FRMD6: variants seen among roughly 807,000 people sequenced by gnomAD.
FRMD6 encodes FERM domain-containing protein 6.
FRMD6 carries 37 observed loss-of-function variants against 73.2 expected under a neutral mutation model. The observed-to-expected ratio is 0.51, with a 90% CI of 0.39 to 0.66. The LOEUF (loss-of-function observed/expected upper bound fraction) is 0.66. FRMD6 is among the 30% of genes least tolerant of loss of function. FRMD6 has a pLI of 0.00. For synonymous variants in FRMD6, 273 were observed against 282.2 expected (o/e 0.97, Z 0.33); for missense variants, 714 against 780.5 (o/e 0.91, Z 1.02).
intron 9 of FRMD6, among the ~76,000 whole-genome samples, chr14:51,713,372 C>T (rs1897055014): frequency 6.6e-6 from 1 of 151,002 alleles, no homozygotes; most frequent in South Asian, 2.1e-4. Flanking sequence ...GCATGGGAAT[C>T]TCTTGAACCC....
the FRMD6 span, among the ~76,000 whole-genome samples, chr14:51,435,177 A>C: frequency 6.6e-6 from 1 of 152,232 alleles, no homozygotes; most frequent in Non-Finnish European, 1.5e-5. Context: ...CCTGGTTTTG[A>C]TCATCTTACT....
intron 1 of FRMD6, among the ~76,000 whole-genome samples, chr14:51,528,678 A>T (rs1885400209): frequency 6.6e-6 from 1 of 152,134 alleles, no homozygotes; most frequent in African/African-American, 2.4e-5. Context: ...AAAGTTTGAA[A>T]ATCACTGGTC....
At chr14:51,419,128 C>G in the FRMD6 span, among the ~76,000 whole-genome samples, 1 of 152,194 alleles carries the variant, frequency 6.6e-6, no homozygotes, top group African/African-American at 2.4e-5. Context: ...CAACTCCTTA[C>G]GCTTCCTGTG....
the FRMD6 span, among the ~76,000 whole-genome samples, chr14:51,446,971 G>A: frequency 1.3e-5 from 2 of 152,198 alleles, no homozygotes; most frequent in African/African-American, 4.8e-5. Context: ...GGTCACAGAT[G>A]TTGTACAGGA....
intron 2 of FRMD6, among the ~76,000 whole-genome samples, chr14:51,582,303 C>A (rs2139666649): frequency 6.6e-6 from 1 of 152,246 alleles, no homozygotes; most frequent in East Asian, 1.9e-4. Context: ...AGAGCAATGA[C>A]CTTGTCCGTC....
intron 10 of FRMD6, among the ~76,000 whole-genome samples, chr14:51,719,394 C>G (rs1897410651): frequency 6.6e-6 from 1 of 152,154 alleles, no homozygotes; most frequent in Non-Finnish European, 1.5e-5. Context: ...CTAATTCAGC[C>G]TAAGTGGAGA....
intron 1 of FRMD6, among the ~76,000 whole-genome samples, chr14:51,536,330 G>A (rs1885889907): frequency 6.6e-6 from 1 of 151,904 alleles, no homozygotes; most frequent in African/African-American, 2.4e-5. Flanking sequence ...GGCCCCAAGT[G>A]ATCATTCCTG....
At chr14:51,498,715 G>A (rs1485862874) in intron 1 of FRMD6, among the ~76,000 whole-genome samples, 1 of 152,060 alleles carries the variant, frequency 6.6e-6, no homozygotes, top group East Asian at 1.9e-4. Flanking sequence ...AGCATTTATC[G>A]AGCTTCTAAC....
chr14:51,622,295 C>G (rs1171471817), intron 2 of FRMD6, among the ~76,000 whole-genome samples: 1 of 152,198 alleles, frequency 6.6e-6, no homozygotes, highest in African/African-American at 2.4e-5. Flanking sequence ...TCTTTCCTTG[C>G]TCTAAATAAT....
At chr14:51,477,081 T>C in the FRMD6 span, among the ~76,000 whole-genome samples, 1 of 152,212 alleles carries the variant, frequency 6.6e-6, no homozygotes, top group African/African-American at 2.4e-5. Flanking sequence ...TGTTCAAACA[T>C]ATGGCAGAAG....
intron 2 of FRMD6, among the ~76,000 whole-genome samples, chr14:51,583,912 A>G (rs1370383010): frequency 6.6e-6 from 1 of 152,218 alleles, no homozygotes; most frequent in Non-Finnish European, 1.5e-5. Context: ...TTTAGAAATG[A>G]ATAAGGCATG....
At chr14:51,496,919 C>T (rs978077897) in intron 1 of FRMD6, among the ~76,000 whole-genome samples, 3 of 152,190 alleles carry the variant, frequency 2.0e-5, no homozygotes, top group Non-Finnish European at 4.4e-5. Flanking sequence ...TGTAATTTCT[C>T]TTCATCCAGA....
chr14:51,592,675 A>G (rs1200858703), intron 2 of FRMD6, among the ~76,000 whole-genome samples: 2 of 152,182 alleles, frequency 1.3e-5, no homozygotes, highest in Non-Finnish European at 2.9e-5. Flanking sequence ...CCTAAATCAT[A>G]ATGGTTACAT....
chr14:51,475,593 G>A, the FRMD6 span, among the ~76,000 whole-genome samples: 2 of 152,148 alleles, frequency 1.3e-5, no homozygotes, highest in African/African-American at 2.4e-5. Context: ...ATCTATGAGC[G>A]CCATGAGGAA....
chr14:51,532,418 T>C (rs1885646017), intron 1 of FRMD6, among the ~76,000 whole-genome samples: 1 of 151,820 alleles, frequency 6.6e-6, no homozygotes, highest in Admixed American at 6.6e-5. Context: ...TTTCATATTC[T>C]GGGATTGTGT....
At chr14:51,673,485 C>T (rs1894168199) in intron 1 of FRMD6, among the ~76,000 whole-genome samples, 1 of 152,240 alleles carries the variant, frequency 6.6e-6, no homozygotes, top group African/African-American at 2.4e-5. Context: ...TCACTGTGGA[C>T]CAAAACTGCC....
intron 1 of FRMD6, among the ~76,000 whole-genome samples, chr14:51,660,263 A>G (rs1356085070): frequency 6.6e-6 from 1 of 152,202 alleles, no homozygotes; most frequent in African/African-American, 2.4e-5. Flanking sequence ...AACAAAATAC[A>G]TGTGTTTGAA....
At chr14:51,468,906 T>C in the FRMD6 span, among the ~76,000 whole-genome samples, 1 of 152,176 alleles carries the variant, frequency 6.6e-6, no homozygotes, top group African/African-American at 2.4e-5. Context: ...TGTGTTAATA[T>C]GGTGAATTAC....
the FRMD6 span, among the ~76,000 whole-genome samples, chr14:51,460,290 T>C: frequency 6.6e-6 from 1 of 152,186 alleles, no homozygotes; most frequent in Non-Finnish European, 1.5e-5. Context: ...AACTTGACCT[T>C]GTCTGGTATG....
Sources: gnomAD v4.1 joint callset for allele counts (sites outside exome capture counted in the v4.1 genomes callset) on GRCh38, gnomAD v4.1.1 for gene constraint, MANE v1.5 for transcripts, NCBI Gene and HGNC (gene_info 2026-07-23, HGNC 2026-07-21) for gene names.